Variants in CDYL observed in about 807,000 individuals in gnomAD.
CDYL encodes the protein chromodomain Y-like protein.
In CDYL, 8 loss-of-function variants were observed where a neutral mutation model predicts 47.3. That is an observed-to-expected ratio of 0.17 (90% confidence interval 0.10 to 0.31). The LOEUF is 0.31. CDYL is among the 10% of genes least tolerant of loss of function. The pLI is 1.00. For synonymous variants in CDYL, 266 were observed against 265.0 expected (o/e 1.00, Z -0.04); for missense variants, 471 against 701.4 (o/e 0.67, Z 3.71).
chr6:4,919,491 A>G (rs982308199), intron 2 of CDYL, among the ~76,000 whole-genome samples: 20 of 152,228 alleles, frequency 1.3e-4, no homozygotes, highest in African/African-American at 4.8e-4. Context: ...TTTGCATTAT[A>G]CTTACCAGTT....
At position 4,935,639 on chromosome 6, in the gene CDYL, G is replaced by A. The variant is rs1186080042; in HGVS notation, c.816G>A (p.Lys272=). The stretch of plus-strand genomic sequence containing the variant: ...ACAGAAGAGACCAGCCTTTTGACAA[G>A]CGATTGCGTTTCAGCGTGAGGCAAA... ...IDDRRDQPFD[K]RLRFSVRQTE... is the part of the protein sequence containing the mutation. The change falls in exon 3 of 7, where the codon AAG becomes AAA. Residue 272 remains lysine, a synonymous_variant. Coordinates refer to ENST00000397588, the MANE Select transcript of CDYL (RefSeq NM_004824.4). 8.1e-6 allele frequency: 13 copies of A among 1,614,132 alleles called. No individual in the cohort carries two copies. Among genetic ancestry groups the A allele is most frequent in the Non-Finnish European group, 1.1e-5 (13 of 1,180,056 alleles).
In CDYL at chr6:4,841,995, TATAA is replaced by T. The variant is rs559615749; in HGVS notation, c.25-49711_25-49708del. Among the ~76,000 whole-genome samples, 820 of 145,776 alleles carry T rather than the reference TATAA, an allele frequency of 5.6e-3. 4 individuals carry two copies. The highest frequency in any genetic ancestry group is 0.019 in the African/African-American group (772 of 40,310). ...ATTAATATTAATAATAAATTATTAA[TATAA>T]ATAAATTAATTATATTTGTATTATT... is the stretch of plus-strand genomic sequence containing the variant. On this transcript the variant is annotated intron_variant, in intron 1 of 6. Coordinates refer to ENST00000397588, the MANE Select transcript of CDYL (RefSeq NM_004824.4).
At chr6:4,795,208 T>A (rs76518645) in intron 1 of CDYL, among the ~76,000 whole-genome samples, 2,844 of 152,250 alleles carry the variant, frequency 0.019, 105 homozygotes, top group African/African-American at 0.065. Flanking sequence ...GTTTTAAATC[T>A]TGGTTATTGA....
intron 1 of CDYL, among the ~76,000 whole-genome samples, chr6:4,787,996 T>C (rs1166866019): frequency 6.6e-6 from 1 of 151,326 alleles, no homozygotes; most frequent in Non-Finnish European, 1.5e-5. Context: ...GGTCTCGAAC[T>C]CCTGACCTCA....
At chr6:4,752,802 A>G (rs927835834) in intron 3 of CDYL, among the ~76,000 whole-genome samples, 2 of 150,598 alleles carry the variant, frequency 1.3e-5, no homozygotes, top group African/African-American at 2.5e-5. Context: ...GGAGCTTGCA[A>G]TGGAAAAGTC....
chr6:4,786,180 T>G (rs1253290787), intron 1 of CDYL, among the ~76,000 whole-genome samples: 3 of 152,252 alleles, frequency 2.0e-5, no homozygotes, highest in Non-Finnish European at 4.4e-5. Context: ...GGAAATGGCC[T>G]TTGCAAGCCT....
At position 4,829,438 on chromosome 6, in the gene CDYL, T is replaced by C. The variant is rs140932171; in HGVS notation, c.24+52631T>C. ...ACAAAACAGAGCACTTCTCCTAGTT[T>C]TTGCATTTAACTCTGTGACTCCAGG... On this transcript the variant is annotated intron_variant, in intron 1 of 6. Coordinates refer to ENST00000397588, the MANE Select transcript of CDYL (RefSeq NM_004824.4). Among the ~76,000 whole-genome samples the C allele has an allele frequency of 4.1e-3, 621 of 152,302 alleles. 1 individual carries two copies. Among genetic ancestry groups the C allele is most frequent in the African/African-American group, 0.014 (580 of 41,554 alleles).
chr6:4,939,351 A>G (rs1012344898), intron 4 of CDYL, among the ~76,000 whole-genome samples: 1 of 152,098 alleles, frequency 6.6e-6, no homozygotes, highest in Admixed American at 6.5e-5. Flanking sequence ...CTGACACCCA[A>G]GATGGCTCTG....
At chr6:4,737,802 G>T (rs1757729702) in intron 3 of CDYL, among the ~76,000 whole-genome samples, 1 of 152,014 alleles carries the variant, frequency 6.6e-6, no homozygotes, top group South Asian at 2.1e-4. Flanking sequence ...TGGGATTACA[G>T]GTGTGAGCCA....
chr6:4,725,968 A>C (rs112061951), intron 2 of CDYL, among the ~76,000 whole-genome samples: 3 of 152,366 alleles, frequency 2.0e-5, no homozygotes, highest in African/African-American at 4.8e-5. Context: ...GTTTCACTGC[A>C]TTTATCTGTT....
intron 1 of CDYL, among the ~76,000 whole-genome samples, chr6:4,887,954 A>C (rs138478185): frequency 1.3e-5 from 2 of 150,578 alleles, no homozygotes; most frequent in South Asian, 4.2e-4. Context: ...TTGAAACAAT[A>C]TGTGATTTTT....
chr6:4,728,716 G>A (rs1166545993), intron 2 of CDYL, among the ~76,000 whole-genome samples: 1 of 152,144 alleles, frequency 6.6e-6, no homozygotes, highest in Non-Finnish European at 1.5e-5. Flanking sequence ...GACCAGGGTA[G>A]CTTTCTGCTT....
At position 4,953,933 on chromosome 6, in the gene CDYL, C is replaced by G; in HGVS notation, c.1512C>G (p.Asn504Lys). 3.7e-6 allele frequency: 6 copies of G among 1,613,928 alleles called. No individual in the cohort carries two copies. The highest frequency in any genetic ancestry group is 5.1e-6 in the Non-Finnish European group (6 of 1,179,942). ...AATCCAAAGCCCTCGTGCGCTGCAA[C>G]ATGAAGATGGAGCTGGAGCAGGCCA... ...LEESKALVRC[N>K]MKMELEQANE... The change falls in exon 7 of 7, where the codon AAC (asparagine) becomes AAG (lysine). Residue 504 changes from asparagine (N) to lysine (K), a missense_variant. Asn to Lys is a moderately conservative substitution (Grantham distance 94, BLOSUM62 0). Coordinates refer to ENST00000397588, the MANE Select transcript of CDYL (RefSeq NM_004824.4).
chr6:4,825,914 C>T (rs1216622464), intron 1 of CDYL, among the ~76,000 whole-genome samples: 1 of 149,938 alleles, frequency 6.7e-6, no homozygotes, highest in Non-Finnish European at 1.5e-5. Context: ...CCCATAACAA[C>T]ACACTGCCTT....
chr6:4,863,558 C>G (rs1012636353), intron 1 of CDYL, among the ~76,000 whole-genome samples: 1 of 152,204 alleles, frequency 6.6e-6, no homozygotes, highest in African/African-American at 2.4e-5. Context: ...GCATTCTTCT[C>G]TAAGAGATCC....
intron 2 of CDYL, among the ~76,000 whole-genome samples, chr6:4,934,646 C>G (rs951426876): frequency 6.6e-6 from 1 of 152,188 alleles, no homozygotes; most frequent in African/African-American, 2.4e-5. Flanking sequence ...TTGGACAATT[C>G]ATACAGACAG....
intron 3 of CDYL, among the ~76,000 whole-genome samples, chr6:4,752,715 T>C (rs1306747040): frequency 6.6e-6 from 1 of 152,162 alleles, no homozygotes; most frequent in Non-Finnish European, 1.5e-5. Flanking sequence ...CCTCCTTTTT[T>C]GGTAATTGTC....
intron 3 of CDYL, among the ~76,000 whole-genome samples, chr6:4,749,682 G>C (rs1757957759): frequency 6.6e-6 from 1 of 152,170 alleles, no homozygotes; most frequent in African/African-American, 2.4e-5. Context: ...TAATAAATGA[G>C]ATGTTTTCAA....
At chr6:4,724,708 G>C (rs773548362) in intron 2 of CDYL, 3 of 152,124 alleles carry the variant, frequency 2.0e-5, no homozygotes, top group African/African-American at 2.4e-5. Flanking sequence ...GGAATTCTTC[G>C]TTCCTCTCGT....
Sources: allele counts gnomAD v4.1 joint callset (sites outside exome capture counted in the v4.1 genomes callset), GRCh38; gene constraint gnomAD v4.1.1; transcripts MANE v1.5; gene names NCBI Gene and HGNC (gene_info 2026-07-23, HGNC 2026-07-21).